Variants in CHST9 observed in about 807,000 individuals in gnomAD.
CHST9 encodes carbohydrate sulfotransferase 9.
In CHST9, 41 loss-of-function variants were observed where a neutral mutation model predicts 44.4. That is an observed-to-expected ratio of 0.92 (90% CI 0.72 to 1.20). The LOEUF is 1.20. Among genes scored for constraint, CHST9 ranks in the 50% most tolerant of loss-of-function variants. The pLI is 0.00. For synonymous variants in CHST9, 171 were observed against 178.4 expected, an observed-to-expected ratio of 0.96 and a Z score of 0.33; for missense variants, 504 against 516.5, an observed-to-expected ratio of 0.98 and a Z score of 0.23.
intron 2 of CHST9, among the ~76,000 whole-genome samples, chr18:27,058,346 A>T (rs1212314454): frequency 6.6e-6 from 1 of 152,160 alleles, no homozygotes; most frequent in Non-Finnish European, 1.5e-5. Flanking sequence ...TAAAATGACA[A>T]ATCTTTTCAT....
At chr18:26,990,393 T>G (rs2056802354) in intron 4 of CHST9, among the ~76,000 whole-genome samples, 1 of 152,180 alleles carries the variant, frequency 6.6e-6, no homozygotes, top group Admixed American at 6.5e-5. Context: ...AGTAACTGTT[T>G]CTTGATCTGC....
At chr18:27,012,904 A>G (rs1384062672) in intron 4 of CHST9, among the ~76,000 whole-genome samples, 1 of 152,256 alleles carries the variant, frequency 6.6e-6, no homozygotes, top group African/African-American at 2.4e-5. Flanking sequence ...ATATTAAATT[A>G]TATCTAATTT....
intron 5 of CHST9, among the ~76,000 whole-genome samples, chr18:26,919,566 A>G (rs1428139305): frequency 6.6e-6 from 1 of 152,218 alleles, no homozygotes; most frequent in Non-Finnish European, 1.5e-5. Context: ...CAGCAGTAGT[A>G]GTAGTTATAG....
chr18:27,097,766 G>A (rs961228324), intron 2 of CHST9, among the ~76,000 whole-genome samples: 1 of 152,108 alleles, frequency 6.6e-6, no homozygotes, highest in Non-Finnish European at 1.5e-5. Context: ...TGTATAAGAT[G>A]TAAGGAAGGG....
Position 26,908,762 on chromosome 18 carries a change from CA to C in CHST9, c.*7496del, listed in dbSNP as rs1311431959. 4.6e-5 allele frequency: 7 copies of C among 151,916 alleles called. No individual in the cohort carries two copies. Among genetic ancestry groups the C allele is most frequent in the Non-Finnish European group, 8.8e-5 (6 of 67,972 alleles). 9.4% of individuals were successfully genotyped at this position (151,916 alleles called of 1,614,324 possible). A position where few individuals can be genotyped will look rare whatever the true frequency, so the allele number is the denominator to read the frequency against. On this transcript the variant is annotated 3_prime_UTR_variant, in exon 6 of 6. Coordinates refer to ENST00000618847, the MANE Select transcript of CHST9 (RefSeq NM_031422.6). ...CATATGGTTCAACCTAATAGAAAGG[CA>C]AAAAGAGACAAATCCTTTAATGAAG...
At chr18:27,046,050 C>A (rs2057496301) in intron 3 of CHST9, among the ~76,000 whole-genome samples, 1 of 152,012 alleles carries the variant, frequency 6.6e-6, no homozygotes, top group African/African-American at 2.4e-5. Context: ...GTGAAAATGG[C>A]AATAGAATCA....
chr18:27,123,847 G>GC (rs2058396487), intron 2 of CHST9, among the ~76,000 whole-genome samples: 1 of 152,190 alleles, frequency 6.6e-6, no homozygotes, highest in Non-Finnish European at 1.5e-5. Flanking sequence ...ACTGGGCCAA[G>GC]CAGAGAAAAT....
chr18:27,004,250 A>G lies in CHST9; in HGVS notation c.202+19866T>C, dbSNP rs575303900. On this transcript the variant is annotated intron_variant, in intron 4 of 5. Transcript: ENST00000618847. ...GGAGAATTTCCTCAGGCGAGGATTA[A>G]GGAGGGAAAAGGCCAGAGAGAAAGA... Among the ~76,000 whole-genome samples the G allele has an allele frequency of 6.6e-5, 10 of 152,168 alleles. No individual in the cohort carries two copies. The East Asian group carries it at 1.9e-3, about 29-fold the overall frequency.
At chr18:26,995,463 C>T (rs1233999782) in intron 4 of CHST9, among the ~76,000 whole-genome samples, 1 of 148,810 alleles carries the variant, frequency 6.7e-6, no homozygotes, top group African/African-American at 2.5e-5. Context: ...AAAAAGATTA[C>T]TGCAGCCTTG....
chr18:26,949,867 G>A (rs1235814173), intron 4 of CHST9, among the ~76,000 whole-genome samples: 6 of 152,138 alleles, frequency 3.9e-5, no homozygotes, highest in African/African-American at 4.8e-5. Flanking sequence ...AGCAGGGGTC[G>A]GAGTAATGCC....
chr18:27,159,327 G>A (rs1392053748), intron 1 of CHST9, among the ~76,000 whole-genome samples: 2 of 152,106 alleles, frequency 1.3e-5, no homozygotes, highest in Non-Finnish European at 2.9e-5. Flanking sequence ...TTCTACATGT[G>A]GCTAGCTAGT....
At chr18:27,043,893 CT>C (rs779127802) in intron 3 of CHST9, among the ~76,000 whole-genome samples, 1 of 152,056 alleles carries the variant, frequency 6.6e-6, no homozygotes, top group Non-Finnish European at 1.5e-5. Context: ...TCTCCCACCT[CT>C]TGTTTATGAC....
intron 2 of CHST9, among the ~76,000 whole-genome samples, chr18:27,078,109 C>T (rs1038213923): frequency 6.6e-6 from 1 of 152,142 alleles, no homozygotes; most frequent in Non-Finnish European, 1.5e-5. Flanking sequence ...CTGAGAATTA[C>T]AATTTGACTT....
intron 1 of CHST9, among the ~76,000 whole-genome samples, chr18:27,183,496 C>T (rs2058929976): frequency 6.6e-6 from 1 of 152,110 alleles, no homozygotes; most frequent in South Asian, 2.1e-4. Flanking sequence ...ATGCAAGGTG[C>T]TCATTTTCTG....
At chr18:27,006,301 T>A (rs2057014990) in intron 4 of CHST9, among the ~76,000 whole-genome samples, 4 of 152,284 alleles carry the variant, frequency 2.6e-5, no homozygotes, top group African/African-American at 9.6e-5. Flanking sequence ...TTCAGAGCTC[T>A]CTAAAATTTA....
intron 4 of CHST9, among the ~76,000 whole-genome samples, chr18:26,975,758 T>C (rs2056616101): frequency 1.8e-5 from 2 of 111,498 alleles, no homozygotes; most frequent in African/African-American, 3.5e-5. Flanking sequence ...TATATATATA[T>C]ATATATAACA....
At chr18:27,064,051 A>G (rs933910247) in intron 2 of CHST9, among the ~76,000 whole-genome samples, 2 of 152,100 alleles carry the variant, frequency 1.3e-5, no homozygotes, top group Admixed American at 6.6e-5. Flanking sequence ...GGCTATATAC[A>G]GAGACTTTTT....
chr18:26,963,787 G>A (rs1185046974), intron 4 of CHST9, among the ~76,000 whole-genome samples: 1 of 152,102 alleles, frequency 6.6e-6, no homozygotes, highest in East Asian at 1.9e-4. Context: ...CCTTGATTTA[G>A]CCTTCTAAAA....
intron 2 of CHST9, among the ~76,000 whole-genome samples, chr18:27,115,920 T>TA (rs1363700802): frequency 6.6e-6 from 1 of 152,220 alleles, no homozygotes; most frequent in Non-Finnish European, 1.5e-5. Flanking sequence ...TTTATGTGCT[T>TA]ATTGGACATT....
Sources: allele counts gnomAD v4.1 joint callset (sites outside exome capture counted in the v4.1 genomes callset), GRCh38; gene constraint gnomAD v4.1.1; transcripts MANE v1.5; gene names NCBI Gene and HGNC (gene_info 2026-07-23, HGNC 2026-07-21).